The following HSPBP1 variants were observed in gnomAD, a reference collection of about 807,000 sequenced individuals.
HSPBP1 encodes HSPA (Hsp70) binding protein 1.
HSPBP1 carries 31 observed loss-of-function variants against 41.7 expected under a neutral mutation model. The observed-to-expected ratio is 0.74, with a 90% CI of 0.56 to 1.00. The LOEUF is 1.00. Among genes scored for constraint, HSPBP1 ranks in the 50% least tolerant of loss-of-function variants. The pLI is 0.00. For synonymous variants in HSPBP1, 199 were observed against 214.4 expected (o/e 0.93, Z 0.63); for missense variants, 439 against 487.9 (o/e 0.90, Z 0.94).
intron 2 of HSPBP1, among the ~76,000 whole-genome samples, chr19:55,279,136 G>C (rs1261257353): frequency 6.6e-6 from 1 of 152,068 alleles, no homozygotes; most frequent in Non-Finnish European, 1.5e-5. Flanking sequence ...ATATACCCAA[G>C]GTCACACAGC....
intron 6 of HSPBP1, 108 bp downstream of exon 6, chr19:55,265,778 G>T: frequency 1.4e-6 from 1 of 697,626 alleles, no homozygotes. Flanking sequence ...TCCTCTCTAC[G>T]GGAAGGTCCC....
intron 4 of HSPBP1, 50 bp downstream of exon 4, chr19:55,274,348 C>CCCCCCCCCA: frequency 8.9e-6 from 3 of 338,382 alleles, no homozygotes; most frequent in Non-Finnish European, 9.9e-6. Flanking sequence ...CCACCCGGCA[C>CCCCCCCCCA]CCCCCCCCAC....
chr19:55,266,090 G>T, intron 5 of HSPBP1, 41 bp downstream of exon 5: 1 of 1,586,040 alleles, frequency 6.3e-7, no homozygotes, highest in Non-Finnish European at 8.6e-7. Flanking sequence ...ACCCCAGGGC[G>T]TCTGCTCCCC....
rs533706530 is a variant in HSPBP1 at position 55,270,782 on chromosome 19, C to A, written c.640+3616G>T. On this transcript the variant is annotated intron_variant, in intron 4 of 7. Coordinates refer to ENST00000433386, the MANE Select transcript of HSPBP1 (RefSeq NM_012267.5). This position sits in a 1 kb window ranked among gnomAD's most constrained non-coding sequence, Gnocchi z 5.4. The stretch of plus-strand genomic sequence containing the variant: ...ACGCCATGCACATCCACACACCACA[C>A]ATACGCACCACACATACACACCTCA... Among the ~76,000 whole-genome samples, 2 of 151,672 alleles carry A rather than the reference C, an allele frequency of 1.3e-5. No homozygotes were observed. Among genetic ancestry groups the A allele is most frequent in the Admixed American group, 1.3e-4 (2 of 15,220 alleles).
intron 3 of HSPBP1, among the ~76,000 whole-genome samples, chr19:55,276,978 C>G (rs1222046674): frequency 2.0e-5 from 3 of 152,204 alleles, no homozygotes; most frequent in Non-Finnish European, 4.4e-5. Flanking sequence ...TGCCATGTAG[C>G]AGCACAGCCT....
Position 55,262,560 on chromosome 19 carries a change from A to C in HSPBP1, c.*48T>G. The C allele has an allele frequency of 6.2e-7, 1 of 1,606,596 alleles. No homozygotes were observed. Among genetic ancestry groups the C allele is most frequent in the Non-Finnish European group, 8.5e-7 (1 of 1,176,354 alleles). On this transcript the variant is annotated 3_prime_UTR_variant, in exon 8 of 8. Coordinates refer to ENST00000433386, the MANE Select transcript of HSPBP1 (RefSeq NM_012267.5). ...GGGCCTTGTAGGTGGGGAGGGAGGCAAGAGGCCTGGGGTTCCCACGGAGAA... is the reference window on the plus strand; with the variant it reads ...GGGCCTTGTAGGTGGGGAGGGAGGCCAGAGGCCTGGGGTTCCCACGGAGAA...
At chr19:55,276,104 C>CAAAAAAAAAAAAAAAAAAAA (rs59561808) in intron 3 of HSPBP1, among the ~76,000 whole-genome samples, 1 of 65,992 alleles carries the variant, frequency 1.5e-5, no homozygotes, top group Non-Finnish European at 2.8e-5. Context: ...GAGACTGACT[C>CAAAAAAAAAAAAAAAAAAAA]AAAAAAAAAA....
At position 55,265,996 on chromosome 19, in the gene HSPBP1, T is replaced by G; in HGVS notation, c.797-14A>C. ...AGCACAGGGTCCCTGGGGGGAGGGC[T>G]GCAGGGGTCAGAGGGGCAGCCCCAC... On this transcript the variant is annotated splice_polypyrimidine_tract_variant and intron_variant, in intron 5 of 7. Transcript: ENST00000433386. The G allele has an allele frequency of 6.3e-7, 1 of 1,591,464 alleles. No individual in the cohort carries two copies. The highest frequency in any genetic ancestry group is 8.5e-7 in the Non-Finnish European group (1 of 1,170,338).
At chr19:55,277,539 G>T in intron 3 of HSPBP1, 103 bp downstream of exon 3, 1 of 1,180,504 alleles carries the variant, frequency 8.5e-7, no homozygotes, top group Non-Finnish European at 1.2e-6. Flanking sequence ...TGAGAAGGCA[G>T]CAGGGAGGCT....
At chr19:55,274,853 G>A (rs1471168536) in intron 3 of HSPBP1, among the ~76,000 whole-genome samples, 1 of 152,150 alleles carries the variant, frequency 6.6e-6, no homozygotes, top group Non-Finnish European at 1.5e-5. Context: ...ACCCACAGAG[G>A]GACAACATGG....
At chr19:55,276,677 A>C (rs2088081278) in intron 3 of HSPBP1, among the ~76,000 whole-genome samples, 1 of 152,166 alleles carries the variant, frequency 6.6e-6, no homozygotes, top group African/African-American at 2.4e-5. Context: ...AGTCGTTAAA[A>C]GCCATCCTGC....
chr19:55,266,084 C>T, intron 5 of HSPBP1, 47 bp downstream of exon 5: 1 of 1,581,814 alleles, frequency 6.3e-7, no homozygotes, highest in Non-Finnish European at 8.6e-7. Context: ...GCACCCACCC[C>T]AGGGCGTCTG....
chr19:55,269,306 G>A (rs1240195306), intron 4 of HSPBP1, among the ~76,000 whole-genome samples: 8 of 152,102 alleles, frequency 5.3e-5, no homozygotes, highest in East Asian at 1.9e-4. Context: ...TGGAGGACAC[G>A]ATTGTCCCTG....
chr19:55,273,139 A>G (rs924127592), intron 4 of HSPBP1, among the ~76,000 whole-genome samples: 2 of 152,068 alleles, frequency 1.3e-5, no homozygotes, highest in African/African-American at 4.8e-5. Flanking sequence ...ACAGTCACGC[A>G]CCACCACGTC....
rs2087950454 is a variant in HSPBP1 at position 55,272,516 on chromosome 19, G to A, written c.640+1882C>T. 6.6e-6 allele frequency among the ~76,000 whole-genome samples: 1 copy of A among 152,168 alleles called. No homozygotes were observed. Among genetic ancestry groups the A allele is most frequent in the East Asian group, 1.9e-4 (1 of 5,184 alleles). ...GCCGAGTGATTGCTTAACGGGTACA[G>A]AATTTCTGCTTGGGGGAGAGGATGA... On this transcript the variant is annotated intron_variant, in intron 4 of 7. Transcript: ENST00000433386. The surrounding 1 kb of genome is among the most constrained non-coding windows in gnomAD (Gnocchi z 4.2).
intron 7 of HSPBP1, among the ~76,000 whole-genome samples, chr19:55,263,692 C>T (rs570334325): frequency 2.0e-5 from 3 of 152,256 alleles, no homozygotes; most frequent in Admixed American, 6.5e-5. Context: ...CATCACAGCA[C>T]GGCAGGCTTA....
intron 4 of HSPBP1, 53 bp downstream of exon 4, chr19:55,274,345 G>GGCCC: frequency 7.2e-6 from 4 of 552,678 alleles, no homozygotes; most frequent in Admixed American, 3.2e-5. Context: ...GGCCCACCCG[G>GGCCC]CACCCCCCCC....
chr19:55,267,170 G>A (rs991186347), intron 4 of HSPBP1, among the ~76,000 whole-genome samples: 1 of 151,832 alleles, frequency 6.6e-6, no homozygotes, highest in African/African-American at 2.4e-5. Context: ...TTCATTTTGA[G>A]ATGGACTCTC....
chr19:55,265,798 G>T, intron 6 of HSPBP1, 88 bp downstream of exon 6: 2 of 827,044 alleles, frequency 2.4e-6, no homozygotes, highest in Non-Finnish European at 3.8e-6. Flanking sequence ...CAACTCCTGA[G>T]TCCCTACGGG....
Sources: allele counts gnomAD v4.1 joint callset (sites outside exome capture counted in the v4.1 genomes callset), GRCh38; gene constraint gnomAD v4.1.1; non-coding constraint Gnocchi (gnomAD v3.1); transcripts MANE v1.5; gene names NCBI Gene and HGNC (gene_info 2026-07-23, HGNC 2026-07-21).